Variants in OGFOD1 observed in about 807,000 individuals in gnomAD.
The protein encoded by OGFOD1 is 2-oxoglutarate and iron dependent oxygenase domain containing 1, also known as prolyl 3-hydroxylase OGFOD1.
Under a neutral mutation model 67.7 loss-of-function variants are expected in OGFOD1, and 54 were observed. That is an observed-to-expected ratio of 0.80 (90% CI 0.64 to 1.00). The LOEUF (loss-of-function observed/expected upper bound fraction) is 1.00. OGFOD1 is among the 50% of genes least tolerant of loss of function. The pLI, the probability that OGFOD1 is intolerant of heterozygous loss-of-function variation, is 0.00. For synonymous variants in OGFOD1, 221 were observed against 227.0 expected, an observed-to-expected ratio of 0.97 and a Z score of 0.24; for missense variants, 606 against 646.7, an observed-to-expected ratio of 0.94 and a Z score of 0.68.
At chr16:56,464,441 C>CT (rs1442170049) in intron 4 of OGFOD1, among the ~76,000 whole-genome samples, 2 of 152,176 alleles carry the variant, frequency 1.3e-5, no homozygotes, top group Non-Finnish European at 2.9e-5. Flanking sequence ...TTAGCATTCT[C>CT]TGATGTTTCT....
chr16:56,475,469 A>G (rs781031302), intron 11 of OGFOD1, 38 bp from the exon 12 acceptor site: 6 of 1,595,912 alleles, frequency 3.8e-6, no homozygotes, highest in Non-Finnish European at 8.6e-7. Context: ...CTCTTTCAAT[A>G]GGAGCTTTCT....
At chr16:56,456,845 A>G (rs1271846545) in intron 2 of OGFOD1, among the ~76,000 whole-genome samples, 1 of 152,242 alleles carries the variant, frequency 6.6e-6, no homozygotes, top group African/African-American at 2.4e-5. Context: ...AATGCACTCG[A>G]TGATGCTGAA....
At chr16:56,453,127 T>C in intron 1 of OGFOD1, 136 bp from the exon 2 acceptor site, 1 of 807,578 alleles carries the variant, frequency 1.2e-6, no homozygotes, top group East Asian at 2.7e-5. Context: ...TATCATTTTT[T>C]CCCCAAATCT....
chr16:56,471,181 G>A (rs1194860822), intron 10 of OGFOD1, among the ~76,000 whole-genome samples: 19 of 147,256 alleles, frequency 1.3e-4, no homozygotes, highest in Admixed American at 1.1e-3. Flanking sequence ...GCAAAACCCC[G>A]TCTCTACTAA....
chr16:56,478,362 T>C lies in OGFOD1; in HGVS notation c.*2157T>C, dbSNP rs1379336763. ...TTTTAGTAGAGACAGGGTTTCACCATGTTGGCCAGGCTGGAGACCACAATT... is the reference window on the plus strand; with the variant it reads ...TTTTAGTAGAGACAGGGTTTCACCACGTTGGCCAGGCTGGAGACCACAATT... On this transcript the variant is annotated 3_prime_UTR_variant, in exon 13 of 13. Coordinates refer to ENST00000566157, the MANE Select transcript of OGFOD1 (RefSeq NM_018233.4). 1.3e-5 allele frequency: 2 copies of C among 152,178 alleles called. No individual in the cohort carries two copies. Among genetic ancestry groups the C allele is most frequent in the African/African-American group, 4.8e-5 (2 of 41,446 alleles). The allele number at this position is 152,178 out of a possible 1,614,324, so 9.4% of individuals were successfully genotyped here. A position where few individuals can be genotyped will look rare whatever the true frequency, so the allele number is the denominator to read the frequency against.
intron 10 of OGFOD1, among the ~76,000 whole-genome samples, chr16:56,471,365 G>GAAA (rs755598469): frequency 1.1e-5 from 1 of 92,566 alleles, no homozygotes; most frequent in Non-Finnish European, 2.3e-5. Context: ...ACATCTCAAA[G>GAAA]AAAAAAAAAA....
rs1453432401 is a variant in OGFOD1 at position 56,476,685 on chromosome 16, ATACCTT to A, written c.*482_*487del. On this transcript the variant is annotated 3_prime_UTR_variant, in exon 13 of 13. Transcript: ENST00000566157. ...ACCTCCCCTTCCCCTAGCAACAGCC[ATACCTT>A]TTGTCTCTATCATCAACTTCACTAC... 1 of 153,282 alleles carries A rather than the reference ATACCTT, an allele frequency of 6.5e-6. No individual in the cohort carries two copies. The highest frequency in any genetic ancestry group is 1.5e-5 in the Non-Finnish European group (1 of 68,912). The allele number at this position is 153,282 out of a possible 1,614,324, so 9.5% of individuals were successfully genotyped here. A position where few individuals can be genotyped will look rare whatever the true frequency, so the allele number is the denominator to read the frequency against.
Position 56,453,409 on chromosome 16 carries a change from G to A in OGFOD1, c.300+1G>A, listed in dbSNP as rs1186633441. ...TAATGATTTATATAAGTTCCAGCAG[G>A]TATTTATTCCCCTGCCACATTAACT... On this transcript the variant is annotated splice_donor_variant, in intron 2 of 12. Transcript: ENST00000566157. LOFTEE classifies it high-confidence loss of function. The A allele has an allele frequency of 5.6e-6, 9 of 1,608,672 alleles. No homozygotes were observed. Among genetic ancestry groups the A allele is most frequent in the Non-Finnish European group, 7.6e-6 (9 of 1,177,776 alleles).
intron 3 of OGFOD1, among the ~76,000 whole-genome samples, chr16:56,460,602 T>G (rs1962681686): frequency 6.6e-6 from 1 of 152,230 alleles, no homozygotes; most frequent in Non-Finnish European, 1.5e-5. Flanking sequence ...CTGAGCACAA[T>G]TATTTTATGG....
chr16:56,467,138 G>A, intron 6 of OGFOD1, 27 bp from the exon 7 acceptor site: 5 of 1,614,028 alleles, frequency 3.1e-6, no homozygotes, highest in Non-Finnish European at 4.2e-6. Context: ...TCTTCGTGTT[G>A]ATGTGCTACT....
intron 5 of OGFOD1, 36 bp from the exon 6 acceptor site, chr16:56,466,840 A>G: frequency 5.4e-6 from 8 of 1,470,818 alleles, no homozygotes; most frequent in Non-Finnish European, 7.6e-6. Context: ...GGAAGTGGTT[A>G]ATGATAATTT....
intron 4 of OGFOD1, among the ~76,000 whole-genome samples, chr16:56,463,920 G>A (rs372371003): frequency 2.8e-4 from 43 of 152,148 alleles, no homozygotes; most frequent in African/African-American, 1.0e-3. Flanking sequence ...GGAAATTTAC[G>A]TTGATGCCTT....
intron 7 of OGFOD1, 121 bp downstream of exon 7, chr16:56,467,414 T>A (rs1962949986): frequency 8.7e-7 from 1 of 1,154,622 alleles, no homozygotes; most frequent in Non-Finnish European, 1.2e-6. Context: ...TTTCCACTTT[T>A]CTTTTTTTTT....
rs1275327845 is a variant in OGFOD1 at position 56,477,658 on chromosome 16, GT to G, written c.*1454del. 1.3e-5 allele frequency: 2 copies of G among 152,190 alleles called. No homozygotes were observed. Among genetic ancestry groups the G allele is most frequent in the African/African-American group, 4.8e-5 (2 of 41,440 alleles). The allele number at this position is 152,190 out of a possible 1,614,324, so 9.4% of individuals were successfully genotyped here. A position where few individuals can be genotyped will look rare whatever the true frequency, so the allele number is the denominator to read the frequency against. Reference sequence around the variant, plus strand: ...CCAGGGAGTTACATCATAATTACCTGTGTGTGGGTATGCATGGGTGGATGAA... The same window carrying G: ...CCAGGGAGTTACATCATAATTACCTGGTGTGGGTATGCATGGGTGGATGAA... On this transcript the variant is annotated 3_prime_UTR_variant, in exon 13 of 13. Coordinates refer to ENST00000566157, the MANE Select transcript of OGFOD1 (RefSeq NM_018233.4).
chr16:56,454,167 G>A (rs548916181), intron 2 of OGFOD1, among the ~76,000 whole-genome samples: 1 of 152,258 alleles, frequency 6.6e-6, no homozygotes, highest in South Asian at 2.1e-4. Context: ...GGCCAACATG[G>A]TGAAAACCCG....
At position 56,475,939 on chromosome 16, in the gene OGFOD1, C is replaced by G. The variant is rs749154507; in HGVS notation, c.1468-105C>G. 7.6e-6 allele frequency: 8 copies of G among 1,052,760 alleles called. 1 individual carries two copies. Among genetic ancestry groups the G allele is most frequent in the Non-Finnish European group, 1.1e-5 (8 of 723,138 alleles). The allele number at this position is 1,052,760 out of a possible 1,614,324, so 65.2% of individuals were successfully genotyped here. A position where few individuals can be genotyped will look rare whatever the true frequency, so the allele number is the denominator to read the frequency against. ...GTTCATTCAGAGGACCCCTCTATCCCCAGATTAAGTGCTTGATATGGAAAC... is the reference window on the plus strand; with the variant it reads ...GTTCATTCAGAGGACCCCTCTATCCGCAGATTAAGTGCTTGATATGGAAAC... On this transcript the variant is annotated intron_variant, in intron 12 of 12. Coordinates refer to ENST00000566157, the MANE Select transcript of OGFOD1 (RefSeq NM_018233.4).
chr16:56,454,653 G>GC (rs1962459802), intron 2 of OGFOD1: 1 of 294,202 alleles, frequency 3.4e-6, no homozygotes, highest in Non-Finnish European at 6.7e-6. Flanking sequence ...ATTGGGGGGG[G>GC]AAAAAAAAAA....
rs771870119 is a variant in OGFOD1 at position 56,475,584 on chromosome 16, C to A, written c.1467+19C>A. 9 of 1,606,132 alleles carry A rather than the reference C, an allele frequency of 5.6e-6. No homozygotes were observed. The highest frequency in any genetic ancestry group is 3.3e-4 in the Middle Eastern group (2 of 6,068). The stretch of plus-strand genomic sequence containing the variant: ...TGAAGAGGTAAGTTTCTTCTGATAG[C>A]AAACTATCATTTTTAGTTATTGAGA... On this transcript the variant is annotated intron_variant, in intron 12 of 12. Coordinates refer to ENST00000566157, the MANE Select transcript of OGFOD1 (RefSeq NM_018233.4).
chr16:56,475,663 G>A, intron 12 of OGFOD1, 98 bp downstream of exon 12: 2 of 953,554 alleles, frequency 2.1e-6, no homozygotes, highest in Non-Finnish European at 3.3e-6. Context: ...AGTGTCTTTA[G>A]CTAATAAATC....
Sources: allele counts gnomAD v4.1 joint callset (sites outside exome capture counted in the v4.1 genomes callset), GRCh38; gene constraint gnomAD v4.1.1; transcripts MANE v1.5; gene names NCBI Gene and HGNC (gene_info 2026-07-23, HGNC 2026-07-21).